The following CCDC141 variants were observed in gnomAD, a reference collection of about 807,000 sequenced individuals.
The protein encoded by CCDC141 is coiled-coil domain containing 141.
In CCDC141, 168 loss-of-function variants were observed where a neutral mutation model predicts 181.0. That is an observed-to-expected ratio of 0.93 (90% CI 0.82 to 1.05). The LOEUF (loss-of-function observed/expected upper bound fraction) is 1.05. Ranked by LOEUF, CCDC141 falls within the 50% of genes least tolerant of loss-of-function variation. CCDC141 has a pLI of 0.00. For synonymous variants in CCDC141, 666 were observed against 642.3 expected (o/e 1.04, Z -0.56); for missense variants, 1,902 against 1,788.5 (o/e 1.06, Z -1.14).
chr2:178,932,706 C>T (rs2655141), intron 6 of CCDC141, among the ~76,000 whole-genome samples: 4 of 152,134 alleles, frequency 2.6e-5, no homozygotes, highest in East Asian at 3.9e-4. Flanking sequence ...CACCCACATA[C>T]GGTGTGATTT....
intron 6 of CCDC141, among the ~76,000 whole-genome samples, chr2:178,929,375 A>G (rs1171024236): frequency 1.3e-5 from 2 of 152,170 alleles, no homozygotes; most frequent in African/African-American, 4.8e-5. Flanking sequence ...TGAGAAGAAA[A>G]TTGTTCAACA....
At chr2:178,883,922 T>C (rs1686746187) in intron 11 of CCDC141, among the ~76,000 whole-genome samples, 2 of 151,992 alleles carry the variant, frequency 1.3e-5, no homozygotes, top group Non-Finnish European at 2.9e-5. Context: ...GGGTAACATA[T>C]GAAGACACAT....
In CCDC141 at chr2:178,924,999, A is replaced by T. The variant is rs114850917; in HGVS notation, c.898-6092T>A. On this transcript the variant is annotated intron_variant, in intron 6 of 23. Transcript: ENST00000443758. ...CTTCAGTGCAATGACAGTCACCACC[A>T]GTTGGTACATTTCTGCTTCTCTAGT... is the stretch of plus-strand genomic sequence containing the variant. 2.6e-3 allele frequency among the ~76,000 whole-genome samples: 393 copies of T among 152,328 alleles called. 2 individuals carry two copies. Among genetic ancestry groups the T allele is most frequent in the African/African-American group, 7.5e-3 (312 of 41,564 alleles).
At chr2:179,012,472 T>C (rs574392311) in intron 2 of CCDC141, among the ~76,000 whole-genome samples, 1 of 152,046 alleles carries the variant, frequency 6.6e-6, no homozygotes, top group Non-Finnish European at 1.5e-5. Context: ...ATTGAAATGG[T>C]AATTTAAAAA....
At position 178,862,261 on chromosome 2, in the gene CCDC141, G is replaced by T. The variant is rs145188864; in HGVS notation, c.2724+3506C>A. Among the ~76,000 whole-genome samples, 132 of 152,284 alleles carry T rather than the reference G, an allele frequency of 8.7e-4. 1 individual carries two copies. The highest frequency in any genetic ancestry group is 3.1e-3 in the African/African-American group (127 of 41,564). On this transcript the variant is annotated intron_variant, in intron 17 of 23. Transcript: ENST00000443758. ...CTACAGTGGAAAATTTCAGGGTAAG[G>T]TAAATAATTATCTGGAAGTTCTATG... is the stretch of plus-strand genomic sequence containing the variant.
At chr2:178,877,030 A>G (rs935128551) in intron 12 of CCDC141, 2 of 152,194 alleles carry the variant, frequency 1.3e-5, no homozygotes, top group Non-Finnish European at 2.9e-5. Flanking sequence ...TTAGTGAATA[A>G]TAATGTCCAG....
intron 14 of CCDC141, among the ~76,000 whole-genome samples, chr2:178,871,170 G>C (rs1174895628): frequency 6.6e-6 from 1 of 152,128 alleles, no homozygotes; most frequent in Non-Finnish European, 1.5e-5. Flanking sequence ...AGTTTAATTA[G>C]CCATGTGAAT....
chr2:179,013,013 T>C (rs1388222463), intron 2 of CCDC141, among the ~76,000 whole-genome samples: 1 of 152,010 alleles, frequency 6.6e-6, no homozygotes, highest in African/African-American at 2.4e-5. Context: ...AACACAATAC[T>C]GAATGGAGAA....
Position 178,961,246 on chromosome 2 carries a change from T to C in CCDC141, c.764A>G (p.Asp255Gly). The C allele has an allele frequency of 1.7e-5, 26 of 1,550,288 alleles. No homozygotes were observed. The highest frequency in any genetic ancestry group is 2.3e-5 in the Non-Finnish European group (26 of 1,146,770). ...TTGGGTTACCTGGTTTTCTTGTTGGTCCCACTGACATATCTGCAGAACTTG... is the reference window on the plus strand; with the variant it reads ...TTGGGTTACCTGGTTTTCTTGTTGGCCCCACTGACATATCTGCAGAACTTG... The part of the protein sequence containing the change: ...LSQVLQICQW[D>G]QQENQVTCWF... Residue 255 changes from aspartate to glycine, a missense_variant, in exon 5 of 24, where the codon GAC becomes GGC. Physicochemically the swap from Asp to Gly is moderately conservative, Grantham distance 94. Transcript: ENST00000443758.
chr2:178,816,372 A>G, the CCDC141 span, among the ~76,000 whole-genome samples: 3,327 of 152,308 alleles, frequency 0.022, 51 homozygotes, highest in Non-Finnish European at 0.038. Flanking sequence ...TCCATGCCTT[A>G]GTCGTGTACT....
At chr2:178,933,145 G>A (rs1689161369) in intron 6 of CCDC141, among the ~76,000 whole-genome samples, 1 of 152,152 alleles carries the variant, frequency 6.6e-6, no homozygotes, top group Admixed American at 6.6e-5. Flanking sequence ...TTGAGGCTGA[G>A]ATACGTGAAT....
intron 2 of CCDC141, among the ~76,000 whole-genome samples, chr2:179,038,374 A>G (rs1575378587): frequency 6.6e-6 from 1 of 151,638 alleles, no homozygotes; most frequent in East Asian, 1.9e-4. Flanking sequence ...AATTAGAGTT[A>G]TTTTTTTACT....
chr2:178,840,120 A>T (rs568979452), intron 22 of CCDC141, among the ~76,000 whole-genome samples: 79 of 152,286 alleles, frequency 5.2e-4, no homozygotes, highest in African/African-American at 1.9e-3. Flanking sequence ...CTGCTCTCCA[A>T]CTTTAATAGC....
intron 7 of CCDC141, among the ~76,000 whole-genome samples, chr2:178,915,186 A>C (rs547896874): frequency 6.6e-6 from 1 of 152,160 alleles, no homozygotes; most frequent in East Asian, 1.9e-4. Context: ...CCTGAAAAAA[A>C]AAGAAAGAAA....
intron 2 of CCDC141, among the ~76,000 whole-genome samples, chr2:178,989,529 G>A (rs192200405): frequency 6.6e-6 from 1 of 151,262 alleles, no homozygotes. Context: ...AGGAGGCAGA[G>A]GTTGCAGTGA....
At position 178,831,179 on chromosome 2, in the gene CCDC141, A is replaced by C. The variant is rs1238770141; in HGVS notation, c.*2994T>G. 6.6e-6 allele frequency: 1 copy of C among 152,212 alleles called. No individual in the cohort carries two copies. Among genetic ancestry groups the C allele is most frequent in the Non-Finnish European group, 1.5e-5 (1 of 68,042 alleles). 9.4% of individuals were successfully genotyped at this position (152,212 alleles called of 1,614,324 possible). A position where few individuals can be genotyped will look rare whatever the true frequency, so the allele number is the denominator to read the frequency against. On this transcript the variant is annotated 3_prime_UTR_variant, in exon 24 of 24. Transcript: ENST00000443758. ...AGAATATTCAGAGATTCAAATGTAC[A>C]GATTCCTACAGTAAATTTCTCTTGG...
chr2:178,837,886 A>G, intron 22 of CCDC141, 142 bp from the exon 23 acceptor site: 2 of 803,986 alleles, frequency 2.5e-6, no homozygotes, highest in Non-Finnish European at 3.8e-6. Context: ...AGAATTACGG[A>G]TGAGAAACCA....
At chr2:179,000,678 T>C (rs1357799994) in intron 2 of CCDC141, among the ~76,000 whole-genome samples, 2 of 152,218 alleles carry the variant, frequency 1.3e-5, no homozygotes, top group East Asian at 1.9e-4. Context: ...TTGTAAGTAA[T>C]GTTGAGCTGA....
intron 2 of CCDC141, among the ~76,000 whole-genome samples, chr2:179,000,759 G>T (rs532003003): frequency 1.3e-5 from 2 of 152,060 alleles, no homozygotes; most frequent in South Asian, 2.1e-4. Flanking sequence ...GACCCCTCTT[G>T]TGTTCATAAA....
Sources: gnomAD v4.1 joint callset for allele counts (sites outside exome capture counted in the v4.1 genomes callset) on GRCh38, gnomAD v4.1.1 for gene constraint, MANE v1.5 for transcripts, NCBI Gene and HGNC (gene_info 2026-07-23, HGNC 2026-07-21) for gene names.